The following ARHGAP28 variants were observed in gnomAD, a reference collection of about 807,000 sequenced individuals.
ARHGAP28 encodes rho GTPase-activating protein 28.
A neutral mutation model predicts 90.7 loss-of-function variants in ARHGAP28; 56 were observed. That is an observed-to-expected ratio of 0.62 (90% CI 0.50 to 0.77). The LOEUF is 0.77. ARHGAP28 is among the 30% of genes least tolerant of loss of function. The probability of loss-of-function intolerance (pLI) is 0.00; values close to 1 mark genes in which losing one functional copy is unlikely to be tolerated. For synonymous variants in ARHGAP28, 308 were observed against 323.3 expected (o/e 0.95, Z 0.51); for missense variants, 869 against 900.9 (o/e 0.96, Z 0.45).
chr18:6,767,131 A>G (rs922494260), intron 1 of ARHGAP28, among the ~76,000 whole-genome samples: 1 of 151,124 alleles, frequency 6.6e-6, no homozygotes, highest in Admixed American at 6.6e-5. Context: ...CTCTTTGTTC[A>G]TTATTTTTCG....
In ARHGAP28 at chr18:6,888,285, A is replaced by G. The variant is rs529510563; in HGVS notation, c.1536+1046A>G. On this transcript the variant is annotated intron_variant, in intron 12 of 17. Transcript: ENST00000383472. ...TCTCTGGATAATCATTCTATATACA[A>G]TAGGAAATTTGTTTTAAGTACAACA... 3.5e-4 allele frequency among the ~76,000 whole-genome samples: 53 copies of G among 152,334 alleles called. 1 individual carries two copies. In the South Asian group the frequency reaches 9.3e-3, roughly 27 times the overall value.
At chr18:6,900,294 C>CACA (rs34641038) in intron 16 of ARHGAP28, among the ~76,000 whole-genome samples, 86,209 of 151,642 alleles carry the variant, frequency 0.57, 24,541 homozygotes, top group Middle Eastern at 0.63. Flanking sequence ...AAAGCAAAAT[C>CACA]ACATGAATGA....
At chr18:6,742,116 T>G (rs57136505) in intron 1 of ARHGAP28, among the ~76,000 whole-genome samples, 7,119 of 152,074 alleles carry the variant, frequency 0.047, 579 homozygotes, top group African/African-American at 0.16. Context: ...ATTAAATGCA[T>G]GCTGAGAACT....
chr18:6,733,352 G>A (rs933082897), intron 1 of ARHGAP28, among the ~76,000 whole-genome samples: 6 of 151,974 alleles, frequency 3.9e-5, no homozygotes, highest in Non-Finnish European at 8.8e-5. Context: ...AGTCTGCTGT[G>A]GCATTTAAAA....
At chr18:6,818,545 A>G (rs942806198) in intron 1 of ARHGAP28, among the ~76,000 whole-genome samples, 4 of 152,192 alleles carry the variant, frequency 2.6e-5, no homozygotes, top group African/African-American at 9.7e-5. Flanking sequence ...AAATGAGTGC[A>G]TGAAGTGTTT....
At chr18:6,811,448 A>G (rs1043990116) in intron 1 of ARHGAP28, among the ~76,000 whole-genome samples, 2 of 152,302 alleles carry the variant, frequency 1.3e-5, no homozygotes, top group South Asian at 2.1e-4. Flanking sequence ...CTTCCTTTTC[A>G]AAGTCTGTTC....
At chr18:6,757,728 C>T (rs1013003077) in intron 1 of ARHGAP28, among the ~76,000 whole-genome samples, 5 of 152,168 alleles carry the variant, frequency 3.3e-5, no homozygotes, top group African/African-American at 9.7e-5. Context: ...ATCAAAGACA[C>T]AGAAACAGAC....
At chr18:6,801,341 T>G (rs1321845144) in intron 1 of ARHGAP28, among the ~76,000 whole-genome samples, 2 of 152,220 alleles carry the variant, frequency 1.3e-5, no homozygotes, top group African/African-American at 4.8e-5. Flanking sequence ...AGTGTATTTT[T>G]GGGCTCTATT....
At chr18:6,762,767 G>A (rs1459189239) in intron 1 of ARHGAP28, among the ~76,000 whole-genome samples, 1 of 152,072 alleles carries the variant, frequency 6.6e-6, no homozygotes, top group Non-Finnish European at 1.5e-5. Flanking sequence ...GAGCCAAGGA[G>A]AGGGGCCTCA....
chr18:6,743,423 A>C (rs1218961363), intron 1 of ARHGAP28, among the ~76,000 whole-genome samples: 7 of 152,146 alleles, frequency 4.6e-5, no homozygotes, highest in Non-Finnish European at 8.8e-5. Flanking sequence ...AGTCTTAACA[A>C]ATGGTTAACT....
At chr18:6,807,488 C>T (rs2056527234) in intron 1 of ARHGAP28, among the ~76,000 whole-genome samples, 1 of 152,050 alleles carries the variant, frequency 6.6e-6, no homozygotes, top group African/African-American at 2.4e-5. Flanking sequence ...TCATATCTTA[C>T]TTTTAAGATT....
intron 3 of ARHGAP28, among the ~76,000 whole-genome samples, chr18:6,841,210 T>TCTCTCTCCTCTCTCTCTCTCTCTC (rs2056822732): frequency 1.1e-5 from 1 of 94,372 alleles, no homozygotes; most frequent in African/African-American, 5.1e-5. Flanking sequence ...TCTCCTCTCC[T>TCTCTCTCCTCTCTCTCTCTCTCTC]CTCTCTCTCT....
At position 6,756,919 on chromosome 18, in the gene ARHGAP28, G is replaced by T. The variant is rs544424406; in HGVS notation, c.122+26976G>T. Among the ~76,000 whole-genome samples the T allele has an allele frequency of 1.6e-4, 25 of 152,232 alleles. 1 individual carries two copies. In the South Asian group the frequency reaches 3.1e-3, roughly 19 times the overall value. ...CTTCTGCCTGCTTTATGCTAGCTGC[G>T]CTGGCAGTTGATTGGATGGTGCCCA... On this transcript the variant is annotated intron_variant, in intron 1 of 17. Coordinates refer to ENST00000383472, the MANE Select transcript of ARHGAP28 (RefSeq NM_001366230.1).
chr18:6,826,941 C>A (rs1567960613), intron 2 of ARHGAP28, among the ~76,000 whole-genome samples: 1 of 152,082 alleles, frequency 6.6e-6, no homozygotes, highest in African/African-American at 2.4e-5. Flanking sequence ...CATCTTGCAC[C>A]ACCCTTAATC....
chr18:6,814,651 G>T (rs964960896), intron 1 of ARHGAP28, among the ~76,000 whole-genome samples: 1 of 152,082 alleles, frequency 6.6e-6, no homozygotes, highest in Non-Finnish European at 1.5e-5. Flanking sequence ...TGGAATGGGG[G>T]GCTCACTTTT....
chr18:6,805,176 G>A (rs2056508860), intron 1 of ARHGAP28, among the ~76,000 whole-genome samples: 1 of 151,992 alleles, frequency 6.6e-6, no homozygotes, highest in Admixed American at 6.5e-5. Flanking sequence ...TTTGGTTTTT[G>A]TCTATTTTTC....
intron 1 of ARHGAP28, among the ~76,000 whole-genome samples, chr18:6,764,343 A>T (rs988075251): frequency 8.5e-5 from 13 of 152,338 alleles, no homozygotes; most frequent in Admixed American, 8.5e-4. Flanking sequence ...AACTGTCTTG[A>T]TGATCAGATT....
chr18:6,729,989 T>TG (rs914481531), intron 1 of ARHGAP28, 46 bp downstream of exon 1: 140 of 1,303,684 alleles, frequency 1.1e-4, no homozygotes, highest in East Asian at 5.7e-4. Flanking sequence ...GCGCTGGGCT[T>TG]GGGGGGTTCG....
At chr18:6,742,318 C>T (rs552175820) in intron 1 of ARHGAP28, among the ~76,000 whole-genome samples, 1 of 152,110 alleles carries the variant, frequency 6.6e-6, no homozygotes, top group Admixed American at 6.5e-5. Context: ...AGGCACCCAC[C>T]ACCATGCCCG....
Sources: allele counts gnomAD v4.1 joint callset (sites outside exome capture counted in the v4.1 genomes callset), GRCh38; gene constraint gnomAD v4.1.1; transcripts MANE v1.5; gene names NCBI Gene and HGNC (gene_info 2026-07-23, HGNC 2026-07-21).